The following PDE10A variants were observed in gnomAD, a reference collection of about 807,000 sequenced individuals.
PDE10A encodes the protein cAMP and cAMP-inhibited cGMP 3',5'-cyclic phosphodiesterase 10A.
A neutral mutation model predicts 97.7 loss-of-function variants in PDE10A; 39 were observed. That is an observed-to-expected ratio of 0.40 (90% confidence interval 0.31 to 0.52). PDE10A has a LOEUF of 0.52. Ranked by LOEUF, PDE10A falls within the 20% of genes least tolerant of loss-of-function variation. The pLI is 0.56. For missense variants in PDE10A, 731 were observed against 1,047.8 expected (o/e 0.70, Z 4.17); for synonymous variants, 371 against 376.8 (o/e 0.98, Z 0.18).
chr6:165,974,032 C>T (rs752561079), intron 1 of PDE10A, among the ~76,000 whole-genome samples: 9 of 152,192 alleles, frequency 5.9e-5, no homozygotes, highest in Non-Finnish European at 1.3e-4. Context: ...ATTAAATTCA[C>T]GTTAAATAAT....
chr6:165,505,971 A>T (rs2128297937), intron 2 of PDE10A, among the ~76,000 whole-genome samples: 1 of 152,308 alleles, frequency 6.6e-6, no homozygotes, highest in African/African-American at 2.4e-5. Context: ...ATAGTGAAAA[A>T]AATAATATTA....
chr6:165,385,333 G>A (rs1420100770), intron 17 of PDE10A, among the ~76,000 whole-genome samples: 5 of 150,342 alleles, frequency 3.3e-5, no homozygotes, highest in Admixed American at 6.6e-5. Context: ...AGCACAATTC[G>A]GGCATACTGA....
chr6:165,397,496 G>A (rs998153156), intron 13 of PDE10A, among the ~76,000 whole-genome samples: 1 of 152,080 alleles, frequency 6.6e-6, no homozygotes, highest in African/African-American at 2.4e-5. Context: ...GATCATCTGA[G>A]GTCAGGAGTT....
chr6:165,919,280 C>A (rs771475609), intron 1 of PDE10A, among the ~76,000 whole-genome samples: 10 of 152,138 alleles, frequency 6.6e-5, no homozygotes, highest in South Asian at 6.2e-4. Flanking sequence ...TGGGGCAGGG[C>A]GCTCTGTGTG....
chr6:165,803,549 G>A (rs1249013510), intron 1 of PDE10A, among the ~76,000 whole-genome samples: 1 of 152,192 alleles, frequency 6.6e-6, no homozygotes, highest in African/African-American at 2.4e-5. Flanking sequence ...CTCCTTGCAG[G>A]TAGGAATGAG....
At chr6:165,833,954 A>C (rs1257040128) in intron 1 of PDE10A, among the ~76,000 whole-genome samples, 1 of 152,218 alleles carries the variant, frequency 6.6e-6, no homozygotes, top group Admixed American at 6.5e-5. Context: ...TCTGCCTAGA[A>C]CACAGTCTCT....
At chr6:165,849,822 G>GAA (rs34471380) in intron 1 of PDE10A, among the ~76,000 whole-genome samples, 20 of 151,382 alleles carry the variant, frequency 1.3e-4, no homozygotes, top group South Asian at 2.1e-4. Context: ...GGTGTTTTAG[G>GAA]AAAAAAAAAT....
At chr6:165,816,783 A>T (rs1305739245) in intron 1 of PDE10A, among the ~76,000 whole-genome samples, 1 of 152,200 alleles carries the variant, frequency 6.6e-6, no homozygotes, top group Non-Finnish European at 1.5e-5. Context: ...AGGAAGATGC[A>T]TCTCTTGGCC....
chr6:165,361,136 T>A (rs924290013), intron 18 of PDE10A, among the ~76,000 whole-genome samples: 8 of 152,170 alleles, frequency 5.3e-5, no homozygotes, highest in Non-Finnish European at 1.2e-4. Flanking sequence ...TGCCTAAGCA[T>A]TAGAAGTAAT....
At chr6:165,869,403 A>G (rs1390386188) in intron 1 of PDE10A, among the ~76,000 whole-genome samples, 1 of 151,980 alleles carries the variant, frequency 6.6e-6, no homozygotes. Flanking sequence ...AGTAAAAGAC[A>G]TCTACAATAA....
chr6:165,568,076 G>A (rs1224870430), intron 1 of PDE10A, among the ~76,000 whole-genome samples: 1 of 136,834 alleles, frequency 7.3e-6, no homozygotes, highest in African/African-American at 2.7e-5. Context: ...TTGGCTCACT[G>A]CAAGCTCCGC....
intron 1 of PDE10A, among the ~76,000 whole-genome samples, chr6:165,788,936 G>A (rs981576493): frequency 2.6e-5 from 4 of 152,124 alleles, no homozygotes; most frequent in East Asian, 3.9e-4. Context: ...CCATCCCCAG[G>A]AGAGGAGGCT....
chr6:165,556,843 A>G (rs1278621994), intron 1 of PDE10A, among the ~76,000 whole-genome samples: 1 of 152,072 alleles, frequency 6.6e-6, no homozygotes, highest in East Asian at 1.9e-4. Context: ...TCTTAAATAA[A>G]AAAAAAAAAT....
chr6:165,537,608 T>C (rs1783168522), intron 2 of PDE10A, among the ~76,000 whole-genome samples: 1 of 151,974 alleles, frequency 6.6e-6, no homozygotes, highest in Non-Finnish European at 1.5e-5. Flanking sequence ...TCCATCTTTA[T>C]GATAATGTGA....
chr6:165,665,407 CAGA>C (rs943617261), upstream of PDE10A, among the ~76,000 whole-genome samples: 1 of 152,244 alleles, frequency 6.6e-6, no homozygotes. Flanking sequence ...ACTGATATAT[CAGA>C]AGGAGGAGAG....
chr6:165,500,897 C>A (rs1256109331), intron 2 of PDE10A, among the ~76,000 whole-genome samples: 1 of 152,012 alleles, frequency 6.6e-6, no homozygotes, highest in East Asian at 1.9e-4. Flanking sequence ...CTTTACGGCA[C>A]CCAGATGTTT....
intron 20 of PDE10A, among the ~76,000 whole-genome samples, chr6:165,336,925 T>C (rs1020428325): frequency 2.6e-4 from 39 of 152,234 alleles, no homozygotes; most frequent in Admixed American, 5.9e-4. Flanking sequence ...TATTCTTTCA[T>C]ACATATGGCT....
intron 1 of PDE10A, among the ~76,000 whole-genome samples, chr6:165,862,855 T>C (rs1562772654): frequency 6.6e-6 from 1 of 152,148 alleles, no homozygotes; most frequent in East Asian, 1.9e-4. Context: ...ATTTTTTGTA[T>C]TTTTAGTACA....
At chr6:165,506,249 C>T (rs909103274) in intron 2 of PDE10A, among the ~76,000 whole-genome samples, 2 of 152,064 alleles carry the variant, frequency 1.3e-5, no homozygotes, top group Non-Finnish European at 2.9e-5. Flanking sequence ...TTTTTGAATA[C>T]ACGTATAACA....
Sources: gnomAD v4.1 joint callset for allele counts (sites outside exome capture counted in the v4.1 genomes callset) on GRCh38, gnomAD v4.1.1 for gene constraint, MANE v1.5 for transcripts, NCBI Gene and HGNC (gene_info 2026-07-23, HGNC 2026-07-21) for gene names.